The following CDH13 variants were observed in gnomAD, a reference collection of about 807,000 sequenced individuals.
The protein encoded by CDH13 is cadherin 13.
CDH13 carries 24 observed loss-of-function variants against 63.8 expected under a neutral mutation model. The observed-to-expected ratio is 0.38, with a 90% CI of 0.27 to 0.53. The LOEUF is 0.53. Among genes scored for constraint, CDH13 ranks in the 20% least tolerant of loss-of-function variants. The pLI is 0.85. For synonymous variants in CDH13, 503 were observed against 355.3 expected, an observed-to-expected ratio of 1.42 and a Z score of -4.67; for missense variants, 1,049 against 903.1, an observed-to-expected ratio of 1.16 and a Z score of -2.07.
At chr16:83,041,586 G>C (rs1041691343) in intron 3 of CDH13, among the ~76,000 whole-genome samples, 6 of 152,120 alleles carry the variant, frequency 3.9e-5, no homozygotes, top group South Asian at 2.1e-4. Flanking sequence ...CAGAATCTCA[G>C]GAATTATTTG....
At chr16:83,341,989 CCACACACACACA>C (rs756844839) in intron 5 of CDH13, among the ~76,000 whole-genome samples, 2,841 of 138,122 alleles carry the variant, frequency 0.021, 81 homozygotes, top group East Asian at 0.13. Flanking sequence ...GTGTCCCCTG[CCACACACACACA>C]CACACACACA....
intron 4 of CDH13, among the ~76,000 whole-genome samples, chr16:83,176,564 GT>G (rs1438131332): frequency 6.7e-6 from 1 of 149,882 alleles, no homozygotes; most frequent in Non-Finnish European, 1.5e-5. Context: ...TTCTATAGGT[GT>G]TTTTAGTGGA....
At chr16:82,981,806 C>T (rs1046180577) in intron 2 of CDH13, among the ~76,000 whole-genome samples, 2 of 152,166 alleles carry the variant, frequency 1.3e-5, no homozygotes, top group Non-Finnish European at 2.9e-5. Flanking sequence ...AATTTTCTCC[C>T]GTAAGCCCTT....
At chr16:83,131,866 T>A (rs1325720856) in intron 4 of CDH13, among the ~76,000 whole-genome samples, 1 of 152,200 alleles carries the variant, frequency 6.6e-6, no homozygotes, top group Non-Finnish European at 1.5e-5. Flanking sequence ...CAAGTGCTGT[T>A]TGTAAAGGGA....
At chr16:82,670,618 C>A (rs1913127925) in intron 1 of CDH13, among the ~76,000 whole-genome samples, 1 of 152,164 alleles carries the variant, frequency 6.6e-6, no homozygotes, top group Non-Finnish European at 1.5e-5. Context: ...GAGCTTCCAA[C>A]AGATTCTCGG....
At chr16:83,647,811 T>A (rs1173924161) in intron 8 of CDH13, among the ~76,000 whole-genome samples, 1 of 152,180 alleles carries the variant, frequency 6.6e-6, no homozygotes, top group Non-Finnish European at 1.5e-5. Flanking sequence ...GAAGAGATTC[T>A]GTCCAGGAGT....
At chr16:83,435,520 C>T (rs758684056) in intron 6 of CDH13, among the ~76,000 whole-genome samples, 11 of 152,180 alleles carry the variant, frequency 7.2e-5, no homozygotes, top group Non-Finnish European at 1.3e-4. Flanking sequence ...TGCCTCTCTT[C>T]ACTCTGTCTC....
intron 6 of CDH13, among the ~76,000 whole-genome samples, chr16:83,388,263 A>T (rs1183541734): frequency 6.6e-6 from 1 of 150,602 alleles, no homozygotes; most frequent in Non-Finnish European, 1.5e-5. Context: ...CCTGGGCAAC[A>T]TGGAATAACC....
chr16:82,898,130 T>A (rs2041331659), intron 2 of CDH13, among the ~76,000 whole-genome samples: 1 of 152,276 alleles, frequency 6.6e-6, no homozygotes, highest in African/African-American at 2.4e-5. Context: ...GATTACATAT[T>A]AAAATGATAG....
rs1366719901 is a variant in CDH13, at chr16:82,982,724, A to G, written c.158-49286A>G. On this transcript the variant is annotated intron_variant, in intron 2 of 13. Coordinates refer to ENST00000567109, the MANE Select transcript of CDH13 (RefSeq NM_001257.5). ...TCGTCTCCCTGTGGCTGCACTCCAC[A>G]CAAATACAAGTAAACGCATCACAAT... 2.0e-4 allele frequency among the ~76,000 whole-genome samples: 30 copies of G among 152,226 alleles called. 1 individual carries two copies. Among genetic ancestry groups the G allele is most frequent in the Non-Finnish European group, 2.9e-5 (2 of 68,042 alleles).
chr16:83,623,676 G>A (rs12446997), intron 8 of CDH13, among the ~76,000 whole-genome samples: 52,100 of 152,094 alleles, frequency 0.34, 9,248 homozygotes, highest in Middle Eastern at 0.38. Context: ...CCAGTTAGCT[G>A]TCTGGTCTAT....
At chr16:82,725,865 G>A (rs1275105845) in intron 1 of CDH13, among the ~76,000 whole-genome samples, 1 of 152,160 alleles carries the variant, frequency 6.6e-6, no homozygotes, top group Non-Finnish European at 1.5e-5. Flanking sequence ...AATTATTGCA[G>A]TTCTCCAGTT....
intron 1 of CDH13, among the ~76,000 whole-genome samples, chr16:82,827,517 C>T (rs9923549): frequency 0.012 from 1,781 of 152,214 alleles, 45 homozygotes; most frequent in African/African-American, 0.04. Context: ...AGTGAGGGTG[C>T]ATAGAAGAGT....
chr16:83,007,734 G>A lies in CDH13; in HGVS notation c.158-24276G>A, dbSNP rs143425702. 1.0e-3 allele frequency among the ~76,000 whole-genome samples: 157 copies of A among 151,666 alleles called. 1 individual carries two copies. Among genetic ancestry groups the A allele is most frequent in the East Asian group, 9.9e-3 (51 of 5,138 alleles). On this transcript the variant is annotated intron_variant, in intron 2 of 13. Transcript: ENST00000567109. ...AGTAACTTGGGAGGCTGAGATGGGA[G>A]GATCACTTGAACCCAGGAGGCGGGG... is the stretch of plus-strand genomic sequence containing the variant.
At chr16:83,397,610 A>G (rs998776049) in intron 6 of CDH13, 1 of 152,172 alleles carries the variant, frequency 6.6e-6, no homozygotes, top group Non-Finnish European at 1.5e-5. Flanking sequence ...CCCAATACTT[A>G]GGAGGAATTG....
chr16:82,709,120 A>G lies in CDH13; in HGVS notation c.45+81983A>G, dbSNP rs531696546. Among the ~76,000 whole-genome samples, 125 of 152,322 alleles carry G rather than the reference A, an allele frequency of 8.2e-4. 1 individual carries two copies. The highest frequency in any genetic ancestry group is 1.4e-3 in the Non-Finnish European group (97 of 68,026). On this transcript the variant is annotated intron_variant, in intron 1 of 13. Transcript: ENST00000567109. Reference sequence around the variant, plus strand: ...GTAGATACAATGAACATAACAATGGATATAAGCTCCAATTCTATCCAGTTT... The same window carrying G: ...GTAGATACAATGAACATAACAATGGGTATAAGCTCCAATTCTATCCAGTTT...
At position 83,256,186 on chromosome 16, in the gene CDH13, A is replaced by G. The variant is rs895428837; in HGVS notation, c.636+38689A>G. On this transcript the variant is annotated intron_variant, in intron 5 of 13. Coordinates refer to ENST00000567109, the MANE Select transcript of CDH13 (RefSeq NM_001257.5). ...GTAGTTGGGACTACAGGCGTGTGCC[A>G]CCATGACCAGCTACTGTTGTACTTT... 3.3e-5 allele frequency among the ~76,000 whole-genome samples: 5 copies of G among 152,090 alleles called. No homozygotes were observed. The East Asian group carries it at 9.7e-4, about 30-fold the overall frequency.
intron 4 of CDH13, among the ~76,000 whole-genome samples, chr16:83,187,014 A>G (rs1458512665): frequency 6.6e-6 from 1 of 152,110 alleles, no homozygotes; most frequent in African/African-American, 2.4e-5. Context: ...TCTGTCACCC[A>G]GGCTGGAGTG....
chr16:83,346,669 G>A (rs1282519177), intron 6 of CDH13, among the ~76,000 whole-genome samples: 1 of 152,162 alleles, frequency 6.6e-6, no homozygotes, highest in Non-Finnish European at 1.5e-5. Flanking sequence ...GTTTAGAAAA[G>A]AATTTCAGAT....
Sources: gnomAD v4.1 joint callset for allele counts (sites outside exome capture counted in the v4.1 genomes callset) on GRCh38, gnomAD v4.1.1 for gene constraint, MANE v1.5 for transcripts, NCBI Gene and HGNC (gene_info 2026-07-23, HGNC 2026-07-21) for gene names.